Variants in HS3ST3B1 observed in about 807,000 individuals in gnomAD.
HS3ST3B1 encodes the protein heparan sulfate glucosamine 3-O-sulfotransferase 3B1.
Under a neutral mutation model 21.3 loss-of-function variants are expected in HS3ST3B1, and 13 were observed. That is an observed-to-expected ratio of 0.61 (90% CI 0.40 to 0.97). The LOEUF is 0.97. HS3ST3B1 is among the 50% of genes least tolerant of loss of function. The probability of loss-of-function intolerance (pLI) is 0.00; values close to 1 mark genes in which losing one functional copy is unlikely to be tolerated. For synonymous variants in HS3ST3B1, 234 were observed against 254.8 expected (o/e 0.92, Z 0.78); for missense variants, 459 against 554.8 (o/e 0.83, Z 1.73).
chr17:14,322,788 C>T (rs1036302955), intron 1 of HS3ST3B1, among the ~76,000 whole-genome samples: 58 of 152,078 alleles, frequency 3.8e-4, no homozygotes, highest in African/African-American at 1.3e-3. Context: ...ACAACCAACC[C>T]GTGGCTGGTG....
chr17:14,309,341 G>T (rs1909230903), intron 1 of HS3ST3B1, among the ~76,000 whole-genome samples: 1 of 152,196 alleles, frequency 6.6e-6, no homozygotes, highest in Non-Finnish European at 1.5e-5. Flanking sequence ...CGCCTCCCCC[G>T]CCCCTAGGCT....
At position 14,301,934 on chromosome 17, in the gene HS3ST3B1, A is replaced by C. The variant is rs765888285; in HGVS notation, c.416A>C (p.Gln139Pro). ...FSGSGSKQLP[Q>P]AIIIGVKKGG... Reference sequence around the variant, plus strand: ...GGGTCTGGGAGCAAGCAGCTGCCGCAGGCCATCATCATCGGCGTGAAGAAG... The same window carrying C: ...GGGTCTGGGAGCAAGCAGCTGCCGCCGGCCATCATCATCGGCGTGAAGAAG... The change falls in exon 1 of 2, where the codon CAG becomes CCG. Residue 139 changes from glutamine to proline, a missense_variant. By Grantham distance (76) the Gln-to-Pro change is moderately conservative. Around this residue, in one of 3 missense-constraint regions of HS3ST3B1, gnomAD observed 317 missense variants for 278.6 expected, o/e 1.14. Transcript: ENST00000360954. 1 of 1,609,720 alleles carries C rather than the reference A, an allele frequency of 6.2e-7. No individual in the cohort carries two copies. Among genetic ancestry groups the C allele is most frequent in the African/African-American group, 1.3e-5 (1 of 74,904 alleles).
At chr17:14,306,162 AAG>A (rs1466062365) in intron 1 of HS3ST3B1, among the ~76,000 whole-genome samples, 1 of 152,200 alleles carries the variant, frequency 6.6e-6, no homozygotes, top group East Asian at 1.9e-4. Flanking sequence ...TTCACTTGAA[AAG>A]AATATCAGCC....
At chr17:14,302,639 G>T (rs1343585450) in intron 1 of HS3ST3B1, among the ~76,000 whole-genome samples, 2 of 151,996 alleles carry the variant, frequency 1.3e-5, no homozygotes, top group South Asian at 2.1e-4. Context: ...CGCCTCGCTC[G>T]CGAGCCGCCT....
At chr17:14,308,331 T>G (rs1007878833) in intron 1 of HS3ST3B1, among the ~76,000 whole-genome samples, 1 of 152,244 alleles carries the variant, frequency 6.6e-6, no homozygotes, top group Non-Finnish European at 1.5e-5. Context: ...AACCCACCAT[T>G]AAGTTTATTT....
At chr17:14,320,066 G>GT (rs1296944874) in intron 1 of HS3ST3B1, among the ~76,000 whole-genome samples, 2 of 152,166 alleles carry the variant, frequency 1.3e-5, no homozygotes, top group Admixed American at 6.5e-5. Context: ...ACGCCAGCGT[G>GT]TGTGGGGCTT....
chr17:14,325,626 A>G (rs1909786549), intron 1 of HS3ST3B1, among the ~76,000 whole-genome samples: 1 of 152,226 alleles, frequency 6.6e-6, no homozygotes, highest in Admixed American at 6.5e-5. Flanking sequence ...CGTGCTCTAA[A>G]CAGTGCAAGT....
intron 1 of HS3ST3B1, among the ~76,000 whole-genome samples, chr17:14,322,898 C>CTTTT (rs34065582): frequency 6.1e-4 from 58 of 94,588 alleles, no homozygotes; most frequent in East Asian, 1.3e-3. Context: ...GTGTCTATGT[C>CTTTT]TTTTTTTTTT....
intron 1 of HS3ST3B1, chr17:14,304,740 G>C (rs1007055841): frequency 3.3e-5 from 5 of 152,180 alleles, no homozygotes; most frequent in Non-Finnish European, 7.3e-5. Flanking sequence ...ATTAACCAGG[G>C]AGAGTTGTAA....
Position 14,301,527 on chromosome 17 carries a change from G to A in HS3ST3B1, c.9G>A (p.Gln3=), listed in dbSNP as rs2142318271. 1.3e-6 allele frequency: 2 copies of A among 1,562,432 alleles called. No individual in the cohort carries two copies. The highest frequency in any genetic ancestry group is 1.7e-6 in the Non-Finnish European group (2 of 1,162,866). MG[Q]RLSGGRSCLD... ...GCGCCCGCGGGCAGCGCATGGGGCA[G>A]CGCCTGAGTGGCGGCAGATCTTGCC... Residue 3 remains glutamine (Q), a synonymous_variant, in exon 1 of 2, where the codon CAG becomes CAA. Coordinates refer to ENST00000360954, the MANE Select transcript of HS3ST3B1 (RefSeq NM_006041.3).
intron 1 of HS3ST3B1, among the ~76,000 whole-genome samples, chr17:14,306,632 A>G (rs1909146683): frequency 6.6e-6 from 1 of 152,238 alleles, no homozygotes. Flanking sequence ...AATTTAACAA[A>G]TGCTGAGAAA....
Position 14,301,509 on chromosome 17 carries a change from CGGGCAGCGCATG to C in HS3ST3B1, c.1_12del (p.MetGlyGlnArg1_?4), listed in dbSNP as rs768753619. On this transcript the variant is annotated start_lost and 5_prime_UTR_variant, in exon 1 of 2. Coordinates refer to ENST00000360954, the MANE Select transcript of HS3ST3B1 (RefSeq NM_006041.3). The stretch of plus-strand genomic sequence containing the variant: ...TGAGCCATGTCCCTGGCCGCGCCCG[CGGGCAGCGCATG>C]GGGCAGCGCCTGAGTGGCGGCAGAT... 3.3e-6 allele frequency: 5 copies of C among 1,509,964 alleles called. No homozygotes were observed. Among genetic ancestry groups the C allele is most frequent in the South Asian group, 2.5e-5 (2 of 78,644 alleles). 93.5% of individuals were successfully genotyped at this position (1,509,964 alleles called of 1,614,324 possible). A position where few individuals can be genotyped will look rare whatever the true frequency, so the allele number is the denominator to read the frequency against.
At chr17:14,326,681 G>A (rs1909827635) in intron 1 of HS3ST3B1, among the ~76,000 whole-genome samples, 1 of 152,022 alleles carries the variant, frequency 6.6e-6, no homozygotes, top group South Asian at 2.1e-4. Context: ...CAGTTTGGGA[G>A]GCCGAGGCGG....
At chr17:14,313,566 C>T (rs1289553713) in intron 1 of HS3ST3B1, among the ~76,000 whole-genome samples, 2 of 152,124 alleles carry the variant, frequency 1.3e-5, no homozygotes, top group Admixed American at 1.3e-4. Flanking sequence ...GACTTCCCTC[C>T]GTCATTTCTT....
chr17:14,348,798 T>C lies in HS3ST3B1; in HGVS notation c.*3152T>C, dbSNP rs1214173554. The C allele has an allele frequency of 7.2e-5, 11 of 152,232 alleles. No homozygotes were observed. The highest frequency in any genetic ancestry group is 7.2e-4 in the Admixed American group (11 of 15,280). The allele number at this position is 152,232 out of a possible 1,614,324, so 9.4% of individuals were successfully genotyped here. On this transcript the variant is annotated 3_prime_UTR_variant, in exon 2 of 2. Coordinates refer to ENST00000360954, the MANE Select transcript of HS3ST3B1 (RefSeq NM_006041.3). ...TGAGGTTTTTCTTGTTTCTATCTAG[T>C]TCATGCTTTCTTTGCGGTGTTTGAA...
At chr17:14,320,757 T>A (rs1289351115) in intron 1 of HS3ST3B1, among the ~76,000 whole-genome samples, 1 of 152,208 alleles carries the variant, frequency 6.6e-6, no homozygotes, top group Non-Finnish European at 1.5e-5. Context: ...TTTCATTAAG[T>A]TGAAGCCATG....
At chr17:14,312,919 T>TC (rs35414783) in intron 1 of HS3ST3B1, among the ~76,000 whole-genome samples, 4 of 136,518 alleles carry the variant, frequency 2.9e-5, no homozygotes, top group Non-Finnish European at 3.1e-5. Flanking sequence ...TTTTTTTTTT[T>TC]CCAGAGACAG....
intron 1 of HS3ST3B1, among the ~76,000 whole-genome samples, chr17:14,335,855 T>G (rs1910171394): frequency 1.3e-5 from 2 of 152,184 alleles, no homozygotes; most frequent in South Asian, 4.1e-4. Flanking sequence ...AATAAGTGGA[T>G]TTGGGGGAAT....
intron 1 of HS3ST3B1, among the ~76,000 whole-genome samples, chr17:14,302,439 C>G (rs1908966961): frequency 6.6e-6 from 1 of 152,112 alleles, no homozygotes; most frequent in South Asian, 2.1e-4. Flanking sequence ...TTTTTCCTCC[C>G]GGAGCCCGAG....
Sources: allele counts gnomAD v4.1 joint callset (sites outside exome capture counted in the v4.1 genomes callset), GRCh38; gene constraint gnomAD v4.1.1; regional missense constraint gnomAD v4.1.1; transcripts MANE v1.5; gene names NCBI Gene and HGNC (gene_info 2026-07-23, HGNC 2026-07-21).